Variants in RBM20 observed in about 807,000 individuals in gnomAD.
The protein encoded by RBM20 is RNA binding motif protein 20, also known as RNA-binding protein 20.
A neutral mutation model predicts 110.1 loss-of-function variants in RBM20; 51 were observed. The observed-to-expected ratio is 0.46, with a 90% CI of 0.37 to 0.59. The LOEUF (loss-of-function observed/expected upper bound fraction) is 0.59, where lower values mean the gene tolerates loss of function less well. RBM20 is among the 20% of genes least tolerant of loss of function. The pLI is 0.00. For synonymous variants in RBM20, 589 were observed against 618.2 expected (o/e 0.95, Z 0.70); for missense variants, 1,512 against 1,574.9 (o/e 0.96, Z 0.68).
chr10:110,755,481 C>T (rs1843909900), intron 1 of RBM20, among the ~76,000 whole-genome samples: 1 of 152,178 alleles, frequency 6.6e-6, no homozygotes, highest in Non-Finnish European at 1.5e-5. Context: ...AATTCAATCA[C>T]CTAACCTTCC....
At chr10:110,831,682 A>AAAAAAAAAAAC (rs1845057003) in intron 13 of RBM20, among the ~76,000 whole-genome samples, 1 of 136,472 alleles carries the variant, frequency 7.3e-6, no homozygotes. Context: ...AAAAAAAAAA[A>AAAAAAAAAAAC]AAAAAAAAAC....
chr10:110,815,107 G>A (rs559224302), intron 9 of RBM20, among the ~76,000 whole-genome samples: 1 of 152,338 alleles, frequency 6.6e-6, no homozygotes, highest in Admixed American at 6.5e-5. Flanking sequence ...CCCTTCCACA[G>A]GGGGCAGGGA....
chr10:110,782,463 C>G (rs956340212), intron 2 of RBM20, among the ~76,000 whole-genome samples: 6 of 151,918 alleles, frequency 3.9e-5, no homozygotes, highest in African/African-American at 1.5e-4. Context: ...ATAATGTCCC[C>G]CCAAAAAATG....
intron 1 of RBM20, among the ~76,000 whole-genome samples, chr10:110,768,343 C>T (rs967059357): frequency 2.6e-5 from 4 of 152,174 alleles, no homozygotes; most frequent in African/African-American, 9.7e-5. Flanking sequence ...ATATTCTCTG[C>T]CTTGGGCGAC....
intron 1 of RBM20, among the ~76,000 whole-genome samples, chr10:110,772,834 C>A (rs17762956): frequency 0.17 from 25,825 of 152,194 alleles, 2,328 homozygotes; most frequent in South Asian, 0.34. Flanking sequence ...TTCCAGAGCA[C>A]CTGCACATCA....
Position 110,797,653 on chromosome 10 carries a change from G to A in RBM20, c.1668+5G>A, listed in dbSNP as rs1261764775. Reference sequence around the variant, plus strand: ...CTCATGAAGTCGACTAATCAGGTAGGTCTGGGTACTTTCACTCCAGTGTAT... The same window carrying A: ...CTCATGAAGTCGACTAATCAGGTAGATCTGGGTACTTTCACTCCAGTGTAT... On this transcript the variant is annotated splice_donor_5th_base_variant and intron_variant, in intron 6 of 13. Transcript: ENST00000369519. The A allele has an allele frequency of 6.4e-7, 1 of 1,551,696 alleles. No individual in the cohort carries two copies.
chr10:110,753,803 A>G (rs956817571), intron 1 of RBM20, among the ~76,000 whole-genome samples: 1 of 152,222 alleles, frequency 6.6e-6, no homozygotes, highest in Non-Finnish European at 1.5e-5. Flanking sequence ...TTCTTTTCCC[A>G]GCATTGCGAT....
chr10:110,733,979 A>G (rs1403538465), intron 1 of RBM20, among the ~76,000 whole-genome samples: 1 of 152,096 alleles, frequency 6.6e-6, no homozygotes, highest in Non-Finnish European at 1.5e-5. Context: ...ATACCTGCGA[A>G]TGTCTGTTAG....
intron 6 of RBM20, among the ~76,000 whole-genome samples, chr10:110,799,090 C>A (rs1346114766): frequency 1.3e-5 from 2 of 152,216 alleles, no homozygotes; most frequent in Non-Finnish European, 2.9e-5. Flanking sequence ...ACATGGCCTT[C>A]CTTCAAGCCT....
rs2135050149 is a variant in RBM20 at position 110,784,389 on chromosome 10, T to C, written c.1386T>C (p.Ala462=). 2.6e-6 allele frequency: 4 copies of C among 1,551,500 alleles called. No individual in the cohort carries two copies. The highest frequency in any genetic ancestry group is 3.5e-6 in the Non-Finnish European group (4 of 1,146,982). Residue 462 remains alanine (A), a synonymous_variant, in exon 4 of 14, where the codon GCT becomes GCC. Transcript: ENST00000369519. ...ILGSAEGTLC[A]SPNSTAVYNP... ...GTTCGGCAGAGGGAACATTGTGTGC[T>C]TCTCCCAACAGCACAGCTGTTTATA...
At chr10:110,691,601 C>T (rs1862586838) in intron 1 of RBM20, among the ~76,000 whole-genome samples, 1 of 152,028 alleles carries the variant, frequency 6.6e-6, no homozygotes, top group South Asian at 2.1e-4. Context: ...CTGTTCAAGT[C>T]CTTTACCTGT....
chr10:110,765,600 G>A (rs186747873), intron 1 of RBM20, among the ~76,000 whole-genome samples: 487 of 152,264 alleles, frequency 3.2e-3, no homozygotes, highest in Middle Eastern at 0.014. Flanking sequence ...TGGTCTGTTA[G>A]CAGACTCAAG....
In RBM20 at chr10:110,820,056, T is replaced by C. The variant is rs1292591112; in HGVS notation, c.2551-16T>C. The stretch of plus-strand genomic sequence containing the variant: ...CTCACTGTTGATTTGGTTTGCTCTG[T>C]TCTTCCTTTGATAAGGCTGGAAAAG... On this transcript the variant is annotated splice_polypyrimidine_tract_variant and intron_variant, in intron 9 of 13. Transcript: ENST00000369519. 3 of 1,527,366 alleles carry C rather than the reference T, an allele frequency of 2.0e-6. No homozygotes were observed. The highest frequency in any genetic ancestry group is 2.7e-6 in the Non-Finnish European group (3 of 1,128,092). The allele number at this position is 1,527,366 out of a possible 1,614,324, so 94.6% of individuals were successfully genotyped here. A position where few individuals can be genotyped will look rare whatever the true frequency, so the allele number is the denominator to read the frequency against.
chr10:110,797,296 AAT>A (rs368264922), intron 5 of RBM20, among the ~76,000 whole-genome samples: 1 of 151,372 alleles, frequency 6.6e-6, no homozygotes, highest in Admixed American at 6.6e-5. Context: ...CGGTCTCAAA[AAT>A]ATATATATAT....
chr10:110,784,943 T>G, intron 5 of RBM20, 54 bp downstream of exon 5: 1 of 1,197,474 alleles, frequency 8.4e-7, no homozygotes, highest in Non-Finnish European at 1.2e-6. Flanking sequence ...ATTAGTTTAT[T>G]TATTTGTTTG....
intron 9 of RBM20, among the ~76,000 whole-genome samples, chr10:110,814,475 A>T (rs1434452561): frequency 6.6e-6 from 1 of 152,096 alleles, no homozygotes; most frequent in African/African-American, 2.4e-5. Context: ...AAAAGTAGAA[A>T]AAAGCAGTTT....
chr10:110,754,275 TG>T (rs1395712439), intron 1 of RBM20, among the ~76,000 whole-genome samples: 1 of 152,264 alleles, frequency 6.6e-6, no homozygotes, highest in Non-Finnish European at 1.5e-5. Context: ...GCTTTTCTCT[TG>T]GTTTTAATCA....
chr10:110,767,573 G>A (rs576647940), intron 1 of RBM20, among the ~76,000 whole-genome samples: 2 of 151,844 alleles, frequency 1.3e-5, no homozygotes, highest in South Asian at 4.2e-4. Flanking sequence ...CTTCTCAGAC[G>A]GGGCGGTTGC....
chr10:110,801,583 G>A (rs1844624900), intron 7 of RBM20, among the ~76,000 whole-genome samples: 1 of 152,000 alleles, frequency 6.6e-6, no homozygotes, highest in South Asian at 2.1e-4. Context: ...TCACCAGGCT[G>A]GAGCGCAGTG....
Sources: allele counts gnomAD v4.1 joint callset (sites outside exome capture counted in the v4.1 genomes callset), GRCh38; gene constraint gnomAD v4.1.1; transcripts MANE v1.5; gene names NCBI Gene and HGNC (gene_info 2026-07-23, HGNC 2026-07-21).